Variants in LPP observed in about 807,000 individuals in gnomAD.
The protein encoded by LPP is LIM domain containing preferred translocation partner in lipoma, also known as lipoma-preferred partner.
Under a neutral mutation model 60.4 loss-of-function variants are expected in LPP, and 38 were observed. The ratio of observed to expected loss-of-function variants is 0.63; its 90% CI spans 0.49 to 0.83. LPP has a LOEUF of 0.83. Ranked by LOEUF, LPP falls within the 40% of genes least tolerant of loss-of-function variation. LPP has a pLI of 0.00. For missense variants in LPP, 902 were observed against 783.6 expected (o/e 1.15, Z -1.80); for synonymous variants, 328 against 290.8 (o/e 1.13, Z -1.30).
chr3:188,866,176 CGTG>C, intron 9 of LPP, 21 bp from the exon 10 acceptor site: 1 of 1,447,084 alleles, frequency 6.9e-7, no homozygotes. Flanking sequence ...CCCAGTCTGA[CGTG>C]GTTTCTGTTT....
intron 8 of LPP, among the ~76,000 whole-genome samples, chr3:188,753,428 A>C (rs1397137891): frequency 6.6e-6 from 1 of 152,130 alleles, no homozygotes; most frequent in Non-Finnish European, 1.5e-5. Context: ...TCTATAAATG[A>C]ATCACATCGT....
intron 1 of LPP, among the ~76,000 whole-genome samples, chr3:188,154,943 T>G (rs1715760144): frequency 6.6e-6 from 1 of 152,198 alleles, no homozygotes; most frequent in Non-Finnish European, 1.5e-5. Flanking sequence ...TGGAGAGTCC[T>G]GCACTGAATG....
intron 7 of LPP, among the ~76,000 whole-genome samples, chr3:188,676,575 C>T (rs536562184): frequency 1.3e-5 from 2 of 152,260 alleles, no homozygotes; most frequent in African/African-American, 2.4e-5. Context: ...TTCTGCATTA[C>T]GTTTTAAACA....
intron 6 of LPP, among the ~76,000 whole-genome samples, chr3:188,606,922 A>T (rs1211332740): frequency 6.6e-6 from 1 of 152,100 alleles, no homozygotes; most frequent in Non-Finnish European, 1.5e-5. Flanking sequence ...GGAGACAGTG[A>T]CTGAGCAACT....
In LPP at chr3:188,708,271, G is replaced by C; in HGVS notation, c.1118G>C (p.Gly373Ala). The C allele has an allele frequency of 6.2e-7, 1 of 1,614,006 alleles. No homozygotes were observed. The highest frequency in any genetic ancestry group is 8.5e-7 in the Non-Finnish European group (1 of 1,179,956). The part of the protein sequence containing the change: ...PCAPPLQPKG[G>A]HSGQLGPSSV... ...TGTGTGCTTTCTGCCTTTCAGGGTG[G>C]CCATTCAGGGCAACTGGGGCCTTCG... The change falls in exon 8 of 12, where the codon GGC becomes GCC. Residue 373 changes from glycine (G) to alanine (A), a missense_variant. Physicochemically the swap from Gly to Ala is moderately conservative, Grantham distance 60. Transcript: ENST00000617246.
intron 6 of LPP, among the ~76,000 whole-genome samples, chr3:188,574,995 T>C (rs1834302159): frequency 6.6e-6 from 1 of 152,086 alleles, no homozygotes. Context: ...ATGGGCCTGC[T>C]GTATTTACAG....
At chr3:188,201,001 G>A (rs965705391) in intron 1 of LPP, among the ~76,000 whole-genome samples, 2 of 152,146 alleles carry the variant, frequency 1.3e-5, no homozygotes, top group African/African-American at 4.8e-5. Flanking sequence ...CCCACGTTCA[G>A]TTTCTGAACT....
rs1242593405 is a variant in LPP at position 188,607,165 on chromosome 3, A to ACACT, written c.430-1995_430-1994insACTC. On this transcript the variant is annotated intron_variant, in intron 6 of 11. Transcript: ENST00000617246. The stretch of plus-strand genomic sequence containing the variant: ...CACACACACACACACACACACACAC[A>ACACT]CTATTTAAACATCCTGAAGTCTTTG... Among the ~76,000 whole-genome samples the ACACT allele has an allele frequency of 3.6e-3, 448 of 125,456 alleles. 4 individuals carry two copies. Among genetic ancestry groups the ACACT allele is most frequent in the African/African-American group, 0.013 (428 of 33,834 alleles). The allele number at this position is 125,456 out of a possible 152,430, so 82.3% of individuals were successfully genotyped here. A position where few individuals can be genotyped will look rare whatever the true frequency, so the allele number is the denominator to read the frequency against.
At chr3:188,453,623 C>T (rs1239004396) in intron 4 of LPP, among the ~76,000 whole-genome samples, 1 of 151,988 alleles carries the variant, frequency 6.6e-6, no homozygotes, top group Non-Finnish European at 1.5e-5. Flanking sequence ...TTTCCTTCCT[C>T]TGTGTCTTTG....
intron 3 of LPP, among the ~76,000 whole-genome samples, chr3:188,374,691 CCTTTATTTCCTTCT>C (rs1774400230): frequency 1.3e-5 from 2 of 152,062 alleles, no homozygotes; most frequent in Admixed American, 1.3e-4. Context: ...AATTTAATAC[CCTTTATTTCCTTCT>C]CCTGCCTGAT....
chr3:188,261,072 T>TA (rs1389708497), intron 2 of LPP, among the ~76,000 whole-genome samples: 1 of 151,938 alleles, frequency 6.6e-6, no homozygotes, highest in East Asian at 1.9e-4. Flanking sequence ...GACTCCATGT[T>TA]AAAAAAAGAA....
At chr3:188,508,901 A>G (rs1406123973) in intron 5 of LPP, among the ~76,000 whole-genome samples, 1 of 152,228 alleles carries the variant, frequency 6.6e-6, no homozygotes, top group East Asian at 1.9e-4. Flanking sequence ...CAGATTTCAA[A>G]TTTAGCATGG....
chr3:188,501,221 T>G (rs1308847857), intron 5 of LPP, among the ~76,000 whole-genome samples: 1 of 152,210 alleles, frequency 6.6e-6, no homozygotes, highest in Admixed American at 6.5e-5. Flanking sequence ...CTGTTTTCAC[T>G]GTTTCCCATA....
At chr3:188,268,958 T>G (rs1464871538) in intron 2 of LPP, among the ~76,000 whole-genome samples, 4 of 152,174 alleles carry the variant, frequency 2.6e-5, no homozygotes, top group Non-Finnish European at 5.9e-5. Flanking sequence ...ATAGAGAAGA[T>G]AAATAACTTG....
intron 8 of LPP, among the ~76,000 whole-genome samples, chr3:188,757,049 C>A (rs1272660816): frequency 6.6e-6 from 1 of 152,202 alleles, no homozygotes; most frequent in Non-Finnish European, 1.5e-5. Flanking sequence ...CTTTACCTTT[C>A]AAAATTCCAT....
At position 188,158,926 on chromosome 3, in the gene LPP, C is replaced by T. The variant is rs77817227; in HGVS notation, c.-190+4674C>T. ...ACAATTGAGGATTCACATGGACAAA[C>T]GGGCTTCTCAGTCCCACACTGGTGC... On this transcript the variant is annotated intron_variant, in intron 1 of 11. Transcript: ENST00000617246. 2.0e-4 allele frequency among the ~76,000 whole-genome samples: 30 copies of T among 152,334 alleles called. No homozygotes were observed. In the East Asian group the frequency reaches 4.8e-3, roughly 25 times the overall value.
chr3:188,815,549 A>G (rs780982835), intron 9 of LPP, among the ~76,000 whole-genome samples: 7 of 152,148 alleles, frequency 4.6e-5, no homozygotes, highest in Admixed American at 1.3e-4. Context: ...AAAAAGAAAA[A>G]AAAAAAGCAG....
At position 188,510,501 on chromosome 3, in the gene LPP, T is replaced by C. The variant is rs953178996; in HGVS notation, c.307-14164T>C. Among the ~76,000 whole-genome samples, 17 of 152,226 alleles carry C rather than the reference T, an allele frequency of 1.1e-4. No individual in the cohort carries two copies. In the East Asian group the frequency reaches 3.1e-3, roughly 28 times the overall value. ...AATTGTCTGTGCTCAGCCTGAAATA[T>C]GTGTGATTCATACCATGTGTTTGTT... On this transcript the variant is annotated intron_variant, in intron 5 of 11. Transcript: ENST00000617246.
chr3:188,821,004 A>T (rs1357853283), intron 9 of LPP, among the ~76,000 whole-genome samples: 2 of 151,936 alleles, frequency 1.3e-5, no homozygotes, highest in Non-Finnish European at 2.9e-5. Flanking sequence ...TTTAACAGAA[A>T]TTATCTTTTT....
Sources: gnomAD v4.1 joint callset for allele counts (sites outside exome capture counted in the v4.1 genomes callset) on GRCh38, gnomAD v4.1.1 for gene constraint, MANE v1.5 for transcripts, NCBI Gene and HGNC (gene_info 2026-07-23, HGNC 2026-07-21) for gene names.